Variants in NPC1L1 observed in about 807,000 individuals in gnomAD.
NPC1L1 encodes NPC1-like intracellular cholesterol transporter 1.
NPC1L1 carries 98 observed loss-of-function variants against 117.0 expected under a neutral mutation model. The observed-to-expected ratio is 0.84, with a 90% CI of 0.71 to 0.99. The LOEUF is 0.99. Ranked by LOEUF, NPC1L1 falls within the 50% of genes least tolerant of loss-of-function variation. The pLI, the probability that NPC1L1 is intolerant of heterozygous loss-of-function variation, is 0.00. For missense variants in NPC1L1, 1,540 were observed against 1,710.0 expected, an observed-to-expected ratio of 0.90 and a Z score of 1.75; for synonymous variants, 729 against 727.6, an observed-to-expected ratio of 1.00 and a Z score of -0.03.
At chr7:44,519,353 G>C (rs1252648549) in intron 14 of NPC1L1, among the ~76,000 whole-genome samples, 1 of 152,176 alleles carries the variant, frequency 6.6e-6, no homozygotes, top group East Asian at 1.9e-4. Flanking sequence ...TGGCTCTACT[G>C]TGTGCTCCTT....
chr7:44,531,897 C>T (rs1239181961), intron 9 of NPC1L1, 53 bp from the exon 10 acceptor site: 4 of 1,538,314 alleles, frequency 2.6e-6, no homozygotes, highest in Non-Finnish European at 3.5e-6. Context: ...CGTCCCCCAT[C>T]TCCCCACAAA....
At position 44,540,365 on chromosome 7, in the gene NPC1L1, G is replaced by A. The variant is rs534632862; in HGVS notation, c.55-23C>T. On this transcript the variant is annotated intron_variant, in intron 1 of 18. Transcript: ENST00000381160. ...GGCCTGCAGAGCACAGCAACATCACGCGTGGGCCCTGACACAGCTGGGTGC... is the reference window on the plus strand; with the variant it reads ...GGCCTGCAGAGCACAGCAACATCACACGTGGGCCCTGACACAGCTGGGTGC... The A allele has an allele frequency of 5.6e-4, 895 of 1,605,388 alleles. 11 individuals are homozygous for A. In the South Asian group the frequency reaches 8.9e-3, roughly 16 times the overall value.
At chr7:44,537,237 C>T (rs1192287049) in intron 2 of NPC1L1, among the ~76,000 whole-genome samples, 6 of 152,208 alleles carry the variant, frequency 3.9e-5, no homozygotes, top group Admixed American at 1.3e-4. Flanking sequence ...GGGGCTGCTC[C>T]GGGACCTGTC....
intron 18 of NPC1L1, among the ~76,000 whole-genome samples, 179 bp downstream of exon 18, chr7:44,515,623 AG>A (rs1295317855): frequency 6.6e-6 from 1 of 152,250 alleles, no homozygotes; most frequent in African/African-American, 2.4e-5. Context: ...AGATGTTCAC[AG>A]CACATTAAAT....
In NPC1L1 at chr7:44,541,162, A is replaced by G. The variant is rs529597674; in HGVS notation, c.54+44T>C. The stretch of plus-strand genomic sequence containing the variant: ...GTACACGGCTGGCCCCAGGGTCCCT[A>G]ACTGGAGGCCGCAGGGGAGGTGGAG... On this transcript the variant is annotated intron_variant, in intron 1 of 18. Coordinates refer to ENST00000381160, the MANE Select transcript of NPC1L1 (RefSeq NM_001101648.2). 4 of 1,545,230 alleles carry G rather than the reference A, an allele frequency of 2.6e-6. No homozygotes were observed. In the South Asian group the frequency reaches 4.8e-5, roughly 18 times the overall value.
At chr7:44,522,339 A>G (rs1300235740) in intron 10 of NPC1L1, 97 bp from the exon 11 acceptor site, 27 of 1,181,422 alleles carry the variant, frequency 2.3e-5, no homozygotes, top group Non-Finnish European at 7.3e-6. Flanking sequence ...ACAGAGGTAC[A>G]TGCTAAAAGG....
At position 44,536,737 on chromosome 7, in the gene NPC1L1, C is replaced by A; in HGVS notation, c.1681+105G>T. The A allele has an allele frequency of 9.7e-7, 1 of 1,032,982 alleles. No homozygotes were observed. Among genetic ancestry groups the A allele is most frequent in the Non-Finnish European group, 1.5e-6 (1 of 668,996 alleles). The allele number at this position is 1,032,982 out of a possible 1,614,324, so 64.0% of individuals were successfully genotyped here. On this transcript the variant is annotated intron_variant, in intron 3 of 18. Coordinates refer to ENST00000381160, the MANE Select transcript of NPC1L1 (RefSeq NM_001101648.2). The surrounding 1 kb of genome is among the most constrained non-coding windows in gnomAD (Gnocchi z 4.7). ...CTACAGCTTCCAGAAGCCAGGCTAC[C>A]CCCAGGCCGCGAGAATCCCCAGCAC...
intron 14 of NPC1L1, among the ~76,000 whole-genome samples, chr7:44,519,407 T>C (rs563755011): frequency 6.6e-6 from 1 of 152,118 alleles, no homozygotes; most frequent in Non-Finnish European, 1.5e-5. Context: ...TCCACTCCCA[T>C]CTGTCCACAC....
chr7:44,531,724 G>A (rs774427744), intron 10 of NPC1L1, 31 bp downstream of exon 10: 2 of 1,546,242 alleles, frequency 1.3e-6, no homozygotes, highest in South Asian at 1.2e-5. Context: ...AAATCCCAGG[G>A]GCCTAAGGGT....
At chr7:44,535,790 G>A (rs1362281903) in intron 5 of NPC1L1, 50 bp downstream of exon 5, 3 of 1,610,952 alleles carry the variant, frequency 1.9e-6, no homozygotes, top group Non-Finnish European at 2.5e-6. Flanking sequence ...TACTGAAGAT[G>A]CCTGGGGTCC....
Position 44,521,988 on chromosome 7 carries a change from T to C in NPC1L1, c.2828+64A>G, listed in dbSNP as rs1801373888. 5 of 1,593,858 alleles carry C rather than the reference T, an allele frequency of 3.1e-6. No individual in the cohort carries two copies. The South Asian group carries it at 5.6e-5, about 18-fold the overall frequency. On this transcript the variant is annotated intron_variant, in intron 11 of 18. Transcript: ENST00000381160. ...GGATAGAACATCAGGAAGAGGGGACTGGAGAGGACTGGAGGGACTCAAACA... is the reference window on the plus strand; with the variant it reads ...GGATAGAACATCAGGAAGAGGGGACCGGAGAGGACTGGAGGGACTCAAACA...
chr7:44,519,330 G>A (rs542250351), intron 14 of NPC1L1, among the ~76,000 whole-genome samples: 6 of 152,146 alleles, frequency 3.9e-5, no homozygotes, highest in East Asian at 3.9e-4. Context: ...ACTTGCCCCC[G>A]GTTATGGGGG....
rs1344272069 is a variant in NPC1L1 at position 44,531,748 on chromosome 7, G to A, written c.2637+7C>T. On this transcript the variant is annotated splice_region_variant and intron_variant, in intron 10 of 18. Transcript: ENST00000381160. Reference sequence around the variant, plus strand: ...GGGCCTAAGGGTTGAGAAGGGCCTGGGCTCACCTTGGGCAGGGCCAGCTCC... The same window carrying A: ...GGGCCTAAGGGTTGAGAAGGGCCTGAGCTCACCTTGGGCAGGGCCAGCTCC... 6.4e-7 allele frequency: 1 copy of A among 1,564,836 alleles called. No homozygotes were observed. Among genetic ancestry groups the A allele is most frequent in the Non-Finnish European group, 8.7e-7 (1 of 1,154,386 alleles).
At position 44,534,383 on chromosome 7, in the gene NPC1L1, G is replaced by T; in HGVS notation, c.2166+64C>A. The T allele has an allele frequency of 1.3e-6, 2 of 1,540,310 alleles. No homozygotes were observed. The highest frequency in any genetic ancestry group is 2.2e-5 in the South Asian group (2 of 89,470). On this transcript the variant is annotated intron_variant, in intron 6 of 18. Coordinates refer to ENST00000381160, the MANE Select transcript of NPC1L1 (RefSeq NM_001101648.2). This position sits in a 1 kb window ranked among gnomAD's most constrained non-coding sequence, Gnocchi z 5.2. The stretch of plus-strand genomic sequence containing the variant: ...CAAATTCACGCCAGAGTCCCATCAG[G>T]CCAGGAGGTGAGGTTGGGAGAAGAG...
At position 44,521,713 on chromosome 7, in the gene NPC1L1, G is replaced by C. The variant is rs1165251984; in HGVS notation, c.2952C>G (p.Val984=). 2 of 1,614,134 alleles carry C rather than the reference G, an allele frequency of 1.2e-6. No individual in the cohort carries two copies. The highest frequency in any genetic ancestry group is 3.3e-5 in the Admixed American group (2 of 60,020). Residue 984 remains valine, a splice_region_variant and synonymous_variant, in exon 12 of 19, where the codon GTC becomes GTG. Coordinates refer to ENST00000381160, the MANE Select transcript of NPC1L1 (RefSeq NM_001101648.2). ...PNKDKFCPST[V]NSLNCLKNCM... ...GAGTCCCCATGGCCCCACACTCACT[G>C]ACGGTCGAGGGGCAGAACTTGTCCT...
chr7:44,521,823 T>C lies in NPC1L1; in HGVS notation c.2842A>G (p.Ile948Val). 1 of 1,614,048 alleles carries C rather than the reference T, an allele frequency of 6.2e-7. No individual in the cohort carries two copies. Among genetic ancestry groups the C allele is most frequent in the Non-Finnish European group, 8.5e-7 (1 of 1,179,998 alleles). Residue 948 changes from isoleucine to valine, a missense_variant, in exon 12 of 19, where the codon ATC (isoleucine) becomes GTC (valine). Coordinates refer to ENST00000381160, the MANE Select transcript of NPC1L1 (RefSeq NM_001101648.2). ...TEFPEQSYLAIPASSWVDDFI... is the reference protein window; with the variant it reads ...TEFPEQSYLAVPASSWVDDFI... ...TCATCCACCCAGGAGGAGGCAGGGA[T>C]GGCCAGGTAAGACCTAAGGGGCAGG...
chr7:44,531,864 A>G lies in NPC1L1; in HGVS notation c.2548-20T>C, dbSNP rs1298887086. 6.4e-7 allele frequency: 1 copy of G among 1,562,342 alleles called. No individual in the cohort carries two copies. Among genetic ancestry groups the G allele is most frequent in the Non-Finnish European group, 8.7e-7 (1 of 1,152,132 alleles). On this transcript the variant is annotated intron_variant, in intron 9 of 18. Transcript: ENST00000381160. ...CAGCAGCTGAGAAGGGACCTGCTGCATGAGACCACCCTGCCCAACAGCCGT... is the reference window on the plus strand; with the variant it reads ...CAGCAGCTGAGAAGGGACCTGCTGCGTGAGACCACCCTGCCCAACAGCCGT...
intron 1 of NPC1L1, 93 bp downstream of exon 1, chr7:44,541,112 GC>G (rs1022261718): frequency 1.4e-5 from 19 of 1,368,390 alleles, no homozygotes; most frequent in Non-Finnish European, 1.9e-5. Flanking sequence ...AGGCTCCCTT[GC>G]TGTCACCCAG....
At position 44,513,165 on chromosome 7, in the gene NPC1L1, G is replaced by A. The variant is rs971187623; in HGVS notation, c.*282C>T. On this transcript the variant is annotated 3_prime_UTR_variant, in exon 19 of 19. Coordinates refer to ENST00000381160, the MANE Select transcript of NPC1L1 (RefSeq NM_001101648.2). Reference sequence around the variant, plus strand: ...AGTGAGTGAGTGTGGGACAAACATGGAGTGTGTCTGTTCCTGCCAACTTCC... The same window carrying A: ...AGTGAGTGAGTGTGGGACAAACATGAAGTGTGTCTGTTCCTGCCAACTTCC... The A allele has an allele frequency of 8.1e-6, 4 of 495,828 alleles. No individual in the cohort carries two copies. The allele number at this position is 495,828 out of a possible 1,614,324, so 30.7% of individuals were successfully genotyped here. A position where few individuals can be genotyped will look rare whatever the true frequency, so the allele number is the denominator to read the frequency against.
Sources: gnomAD v4.1 joint callset for allele counts (sites outside exome capture counted in the v4.1 genomes callset) on GRCh38, gnomAD v4.1.1 for gene constraint, Gnocchi (gnomAD v3.1) non-coding constraint, MANE v1.5 for transcripts, NCBI Gene and HGNC (gene_info 2026-07-23, HGNC 2026-07-21) for gene names.